METAP1D: variants seen among roughly 807,000 people sequenced by gnomAD.
The protein encoded by METAP1D is methionyl aminopeptidase type 1D, mitochondrial.
A neutral mutation model predicts 40.5 loss-of-function variants in METAP1D; 31 were observed. The observed-to-expected ratio is 0.77, with a 90% CI of 0.58 to 1.03. METAP1D has a LOEUF of 1.03. METAP1D is among the 50% of genes least tolerant of loss of function. METAP1D has a pLI of 0.00. For synonymous variants in METAP1D, 151 were observed against 146.4 expected, an observed-to-expected ratio of 1.03 and a Z score of -0.22; for missense variants, 411 against 420.7, an observed-to-expected ratio of 0.98 and a Z score of 0.20.
intron 1 of METAP1D, among the ~76,000 whole-genome samples, chr2:172,017,322 CATAT>C (rs1237549024): frequency 2.0e-5 from 3 of 148,966 alleles, no homozygotes; most frequent in Non-Finnish European, 3.0e-5. Flanking sequence ...ACAAGACAGA[CATAT>C]ATATGTGTAT....
chr2:172,045,817 G>GTATA (rs1215869065), intron 1 of METAP1D, among the ~76,000 whole-genome samples: 61 of 16,338 alleles, frequency 3.7e-3, no homozygotes, highest in Middle Eastern at 0.038. Context: ...GTGTGTGTGT[G>GTATA]TGTATATATA....
chr2:172,061,032 G>A (rs969739986), intron 1 of METAP1D, among the ~76,000 whole-genome samples: 16 of 152,120 alleles, frequency 1.1e-4, no homozygotes, highest in African/African-American at 3.6e-4. Flanking sequence ...ATGCCTCACT[G>A]CACGTGAACT....
chr2:172,017,268 ACACAC>A, intron 1 of METAP1D, among the ~76,000 whole-genome samples: 1 of 148,704 alleles, frequency 6.7e-6, no homozygotes, highest in Admixed American at 6.7e-5. Flanking sequence ...ACACACACAC[ACACAC>A]ATTTTATATA....
At chr2:172,079,977 A>G (rs2105507508) in intron 8 of METAP1D, 151 bp from the exon 9 acceptor site, 7 of 661,342 alleles carry the variant, frequency 1.1e-5, no homozygotes, top group South Asian at 9.5e-5. Flanking sequence ...AGCAACATCA[A>G]TTATCAACCC....
intron 6 of METAP1D, among the ~76,000 whole-genome samples, chr2:172,073,309 T>C (rs1175465017): frequency 1.3e-5 from 2 of 152,150 alleles, no homozygotes; most frequent in Non-Finnish European, 2.9e-5. Context: ...TAGCATTCAG[T>C]TGGAAAATTT....
intron 6 of METAP1D, 44 bp downstream of exon 6, chr2:172,071,114 A>G (rs1451137418): frequency 1.3e-6 from 2 of 1,509,538 alleles, no homozygotes; most frequent in Non-Finnish European, 1.8e-6. Context: ...GGCAAATGGT[A>G]CAAAGGTTAT....
In METAP1D at chr2:172,063,830, C is replaced by T. The variant is rs779606418; in HGVS notation, c.318C>T (p.His106=). 9.3e-6 allele frequency: 15 copies of T among 1,613,552 alleles called. No individual in the cohort carries two copies. Among genetic ancestry groups the T allele is most frequent in the South Asian group, 5.5e-5 (5 of 90,960 alleles). Residue 106 remains histidine, a synonymous_variant, in exon 3 of 10, where the codon CAC becomes CAT. Transcript: ENST00000315796. ...ATCAGGCTTGTCAGCTGGCCCGCCA[C>T]GTCCTCCTCTTGGCTGGGAAGAGTT... ...GLHQACQLAR[H]VLLLAGKSLK... is the part of the protein sequence containing the mutation.
intron 1 of METAP1D, among the ~76,000 whole-genome samples, chr2:172,012,914 AC>A (rs1163995886): frequency 1.3e-5 from 2 of 152,194 alleles, no homozygotes; most frequent in African/African-American, 4.8e-5. Flanking sequence ...TTCCAAAAGT[AC>A]ATAAAAGAAC....
chr2:172,071,585 T>C (rs1167545309), intron 6 of METAP1D, among the ~76,000 whole-genome samples: 1 of 152,232 alleles, frequency 6.6e-6, no homozygotes. Flanking sequence ...TTTTTTTGTC[T>C]GGTTCATTTT....
intron 3 of METAP1D, among the ~76,000 whole-genome samples, chr2:172,065,311 C>T (rs750363361): frequency 6.6e-6 from 1 of 152,184 alleles, no homozygotes; most frequent in Non-Finnish European, 1.5e-5. Context: ...TTGAAATCCT[C>T]AGGCCAAAAG....
intron 1 of METAP1D, among the ~76,000 whole-genome samples, chr2:172,060,071 C>CA (rs1278712442): frequency 3.3e-5 from 5 of 151,048 alleles, no homozygotes; most frequent in African/African-American, 4.9e-5. Context: ...AACCAAAAAA[C>CA]AAAAAACAAA....
At chr2:172,049,696 ACTTTCT>A (rs1049350042) in intron 1 of METAP1D, among the ~76,000 whole-genome samples, 24 of 152,176 alleles carry the variant, frequency 1.6e-4, no homozygotes, top group Admixed American at 3.3e-4. Context: ...GTTACTGTAT[ACTTTCT>A]CTTTATTTTT....
intron 7 of METAP1D, among the ~76,000 whole-genome samples, chr2:172,078,270 C>T (rs1371826767): frequency 1.3e-5 from 2 of 152,204 alleles, no homozygotes; most frequent in Non-Finnish European, 2.9e-5. Context: ...ACCCCCTTTT[C>T]TAGCTGCTGA....
chr2:172,031,946 C>T (rs1432912974), intron 1 of METAP1D, among the ~76,000 whole-genome samples: 1 of 152,216 alleles, frequency 6.6e-6, no homozygotes, highest in African/African-American at 2.4e-5. Flanking sequence ...ATAGTTTCTG[C>T]GTCCTTTCTT....
chr2:172,080,684 C>T lies in METAP1D; in HGVS notation c.*278C>T, dbSNP rs1308916408. 4 of 567,740 alleles carry T rather than the reference C, an allele frequency of 7.0e-6. No homozygotes were observed. The highest frequency in any genetic ancestry group is 1.3e-5 in the Non-Finnish European group (4 of 318,292). 35.2% of individuals were successfully genotyped at this position (567,740 alleles called of 1,614,324 possible). Reference sequence around the variant, plus strand: ...TCTGGAGGGGACTGGAGGAAACCCCCTTGTTGGAAGAGATTCCAAGAGAAG... The same window carrying T: ...TCTGGAGGGGACTGGAGGAAACCCCTTTGTTGGAAGAGATTCCAAGAGAAG... On this transcript the variant is annotated 3_prime_UTR_variant, in exon 10 of 10. Transcript: ENST00000315796.
chr2:172,073,562 A>G (rs1157270071), intron 6 of METAP1D, among the ~76,000 whole-genome samples: 2 of 152,192 alleles, frequency 1.3e-5, no homozygotes, highest in Non-Finnish European at 2.9e-5. Context: ...ATAACAGACA[A>G]TGAACTTTTT....
intron 1 of METAP1D, among the ~76,000 whole-genome samples, chr2:172,023,990 G>A (rs993510735): frequency 2.0e-5 from 3 of 151,950 alleles, no homozygotes; most frequent in African/African-American, 7.3e-5. Context: ...AAGTAGCTGG[G>A]ACTACAGGCG....
chr2:172,054,039 G>A (rs903927025), intron 1 of METAP1D, among the ~76,000 whole-genome samples: 3 of 152,082 alleles, frequency 2.0e-5, no homozygotes, highest in Non-Finnish European at 4.4e-5. Flanking sequence ...CACATTTTCA[G>A]GGATAAAATC....
At chr2:172,056,153 A>G (rs1286960254) in intron 1 of METAP1D, among the ~76,000 whole-genome samples, 1 of 152,228 alleles carries the variant, frequency 6.6e-6, no homozygotes, top group East Asian at 1.9e-4. Context: ...ATCAGAGGCT[A>G]CATCTTCCCA....
Sources: gnomAD v4.1 joint callset for allele counts (sites outside exome capture counted in the v4.1 genomes callset) on GRCh38, gnomAD v4.1.1 for gene constraint, MANE v1.5 for transcripts, NCBI Gene and HGNC (gene_info 2026-07-23, HGNC 2026-07-21) for gene names.